Variants in RNF220 observed in about 807,000 individuals in gnomAD.
RNF220 encodes ring finger protein 220.
A neutral mutation model predicts 67.1 loss-of-function variants in RNF220; 7 were observed. The ratio of observed to expected loss-of-function variants is 0.10; its 90% confidence interval spans 0.06 to 0.20. The LOEUF is 0.20. Ranked by LOEUF, RNF220 falls within the 10% of genes least tolerant of loss-of-function variation. The pLI, the probability that RNF220 is intolerant of heterozygous loss-of-function variation, is 1.00. For missense variants in RNF220, 565 were observed against 740.3 expected, an observed-to-expected ratio of 0.76 and a Z score of 2.75; for synonymous variants, 270 against 283.2, an observed-to-expected ratio of 0.95 and a Z score of 0.47.
At chr1:44,597,106 T>C (rs957014162) in intron 2 of RNF220, among the ~76,000 whole-genome samples, 23 of 152,076 alleles carry the variant, frequency 1.5e-4, no homozygotes, top group African/African-American at 5.6e-4. Context: ...TGCTATAGAG[T>C]GCATCCAGCT....
At chr1:44,500,405 C>T (rs1657730549) in intron 2 of RNF220, among the ~76,000 whole-genome samples, 1 of 152,232 alleles carries the variant, frequency 6.6e-6, no homozygotes, top group Non-Finnish European at 1.5e-5. Context: ...CCACCCGCAT[C>T]TCACATACTC....
At chr1:44,575,842 G>T (rs1223346001) in intron 2 of RNF220, among the ~76,000 whole-genome samples, 1 of 152,224 alleles carries the variant, frequency 6.6e-6, no homozygotes, top group Admixed American at 6.5e-5. Context: ...AGGGATCACT[G>T]TGCTTTTTAT....
intron 5 of RNF220, 90 bp from the exon 6 acceptor site, chr1:44,632,253 G>A: frequency 1.2e-6 from 2 of 1,613,634 alleles, no homozygotes; most frequent in Non-Finnish European, 1.7e-6. Flanking sequence ...GCTTTGGTCG[G>A]GGGTCCGGTG....
intron 2 of RNF220, among the ~76,000 whole-genome samples, chr1:44,518,269 T>A (rs1659615499): frequency 6.6e-6 from 1 of 151,180 alleles, no homozygotes; most frequent in Non-Finnish European, 1.5e-5. Context: ...CTATAAAAAA[T>A]AAAAAAATAA....
chr1:44,516,020 A>C (rs1256142236), intron 2 of RNF220, among the ~76,000 whole-genome samples: 2 of 152,218 alleles, frequency 1.3e-5, no homozygotes, highest in African/African-American at 4.8e-5. Flanking sequence ...CCTCCCTTGA[A>C]TGTGATCTTA....
chr1:44,520,033 A>G (rs749899071), intron 2 of RNF220, among the ~76,000 whole-genome samples: 42 of 150,846 alleles, frequency 2.8e-4, no homozygotes, highest in South Asian at 1.3e-3. Flanking sequence ...TCAAGAAGGC[A>G]TTCTTCAAAC....
intron 8 of RNF220, chr1:44,643,459 AGG>A (rs1451585707): frequency 6.6e-6 from 1 of 152,328 alleles, no homozygotes; most frequent in Non-Finnish European, 1.5e-5. Context: ...GATCTGGCTG[AGG>A]AGCCTGGGCT....
intron 2 of RNF220, among the ~76,000 whole-genome samples, chr1:44,449,388 G>A (rs1221428137): frequency 6.6e-6 from 1 of 151,512 alleles, no homozygotes; most frequent in Non-Finnish European, 1.5e-5. Flanking sequence ...TCTTCTTCAC[G>A]CCATCTCAGC....
intron 2 of RNF220, among the ~76,000 whole-genome samples, chr1:44,554,035 T>C (rs907835557): frequency 5.9e-5 from 9 of 152,160 alleles, no homozygotes; most frequent in Non-Finnish European, 1.0e-4. Context: ...ATGTCCTCCA[T>C]GTGTCAAACC....
At chr1:44,408,752 G>C (rs1181999688) in intron 1 of RNF220, 1 of 151,062 alleles carries the variant, frequency 6.6e-6, no homozygotes, top group African/African-American at 2.4e-5. Context: ...ATTGCCAGCA[G>C]AGCCGTAGTT....
intron 2 of RNF220, among the ~76,000 whole-genome samples, chr1:44,531,908 A>C (rs537620774): frequency 6.6e-6 from 1 of 152,358 alleles, no homozygotes; most frequent in African/African-American, 2.4e-5. Context: ...GGTTTGGCTC[A>C]TAGGGGACAT....
intron 2 of RNF220, among the ~76,000 whole-genome samples, chr1:44,443,366 T>C (rs1557930889): frequency 6.6e-6 from 1 of 152,368 alleles, no homozygotes; most frequent in East Asian, 1.9e-4. Context: ...CATCTGTCCC[T>C]ACTTCTTTTC....
At chr1:44,505,952 C>A (rs919360531) in intron 2 of RNF220, among the ~76,000 whole-genome samples, 2 of 152,158 alleles carry the variant, frequency 1.3e-5, no homozygotes, top group African/African-American at 2.4e-5. Context: ...CATTCTCCCC[C>A]ATCCTTGACA....
At chr1:44,615,212 C>G (rs777420205) in intron 3 of RNF220, among the ~76,000 whole-genome samples, 24 of 152,134 alleles carry the variant, frequency 1.6e-4, no homozygotes, top group Non-Finnish European at 3.1e-4. Flanking sequence ...CTTTGGGCTC[C>G]AAAAGCAAAT....
chr1:44,589,044 C>T (rs1665917048), intron 2 of RNF220, among the ~76,000 whole-genome samples: 1 of 152,232 alleles, frequency 6.6e-6, no homozygotes. Context: ...AGGGCATGCC[C>T]CTTCCCACTA....
intron 3 of RNF220, among the ~76,000 whole-genome samples, chr1:44,616,600 C>T (rs1473358630): frequency 6.6e-6 from 1 of 152,056 alleles, no homozygotes; most frequent in African/African-American, 2.4e-5. Context: ...CCCTACCCCC[C>T]GCCCACACAC....
chr1:44,405,903 G>A (rs12405914), intron 1 of RNF220, among the ~76,000 whole-genome samples: 9,612 of 152,272 alleles, frequency 0.063, 314 homozygotes, highest in Middle Eastern at 0.12. Context: ...TCTTTTCTCC[G>A]TCTCTTAATA....
At chr1:44,420,187 A>G (rs555375028) in intron 2 of RNF220, among the ~76,000 whole-genome samples, 1 of 152,366 alleles carries the variant, frequency 6.6e-6, no homozygotes, top group South Asian at 2.1e-4. Context: ...CTGGGGAGAC[A>G]TGGTGCTGTG....
intron 1 of RNF220, among the ~76,000 whole-genome samples, chr1:44,409,210 A>G (rs1411835454): frequency 6.7e-6 from 1 of 150,120 alleles, no homozygotes; most frequent in Non-Finnish European, 1.5e-5. Flanking sequence ...ACAAACTCCC[A>G]CAGATACGGA....
Sources: gnomAD v4.1 joint callset for allele counts (sites outside exome capture counted in the v4.1 genomes callset) on GRCh38, gnomAD v4.1.1 for gene constraint, MANE v1.5 for transcripts, NCBI Gene and HGNC (gene_info 2026-07-23, HGNC 2026-07-21) for gene names.